MAPRE2: variants seen among roughly 807,000 people sequenced by gnomAD.
MAPRE2 encodes microtubule associated protein RP/EB family member 2.
In MAPRE2, 13 loss-of-function variants were observed where a neutral mutation model predicts 43.2. That is an observed-to-expected ratio of 0.30 (90% CI 0.20 to 0.48). The LOEUF is 0.48. Among genes scored for constraint, MAPRE2 ranks in the 20% least tolerant of loss-of-function variants. The pLI, the probability that MAPRE2 is intolerant of heterozygous loss-of-function variation, is 0.99. For synonymous variants in MAPRE2, 135 were observed against 148.8 expected, an observed-to-expected ratio of 0.91 and a Z score of 0.68; for missense variants, 161 against 400.2, an observed-to-expected ratio of 0.40 and a Z score of 5.10.
At chr18:35,129,261 C>T (rs577519780) in intron 5 of MAPRE2, among the ~76,000 whole-genome samples, 2 of 152,280 alleles carry the variant, frequency 1.3e-5, no homozygotes, top group South Asian at 2.1e-4. Flanking sequence ...TTGACGTTCC[C>T]TCCTTTTTCT....
chr18:35,127,175 G>A, intron 5 of MAPRE2, 88 bp downstream of exon 5: 1 of 1,386,578 alleles, frequency 7.2e-7, no homozygotes, highest in Non-Finnish European at 1.0e-6. Flanking sequence ...TGGGGTAAGG[G>A]AGGGAAGGGT....
chr18:35,083,944 C>T (rs1191714072), intron 2 of MAPRE2, among the ~76,000 whole-genome samples: 1 of 151,634 alleles, frequency 6.6e-6, no homozygotes, highest in African/African-American at 2.4e-5. Flanking sequence ...TTTATTCTTC[C>T]ATGATGTTTC....
Position 35,082,182 on chromosome 18 carries a change from T to C in MAPRE2, c.250+11860T>C, listed in dbSNP as rs1264848085. 2.8e-5 allele frequency: 3 copies of C among 106,056 alleles called. 1 individual carries two copies. Among genetic ancestry groups the C allele is most frequent in the East Asian group, 6.9e-4 (2 of 2,898 alleles). The allele number at this position is 106,056 out of a possible 1,614,324, so 6.6% of individuals were successfully genotyped here. A position where few individuals can be genotyped will look rare whatever the true frequency, so the allele number is the denominator to read the frequency against. On this transcript the variant is annotated intron_variant, in intron 2 of 6. Transcript: ENST00000300249. ...GCGGGCGCCTGTAGTCCCAGCTACT[T>C]GGGAGGCTGAGGCAGGAGAATGGCG...
intron 1 of MAPRE2, among the ~76,000 whole-genome samples, chr18:35,042,806 A>T (rs1233007120): frequency 1.3e-5 from 2 of 152,168 alleles, no homozygotes; most frequent in African/African-American, 4.8e-5. Flanking sequence ...TCATCTAAAC[A>T]TTCAGATGGT....
intron 2 of MAPRE2, among the ~76,000 whole-genome samples, chr18:35,021,668 A>G (rs273348): frequency 3.3e-5 from 5 of 151,886 alleles, no homozygotes; most frequent in African/African-American, 1.2e-4. Flanking sequence ...TCAAAAATCA[A>G]TTGGACTTAG....
At chr18:35,125,509 T>G (rs1238209345) in intron 4 of MAPRE2, among the ~76,000 whole-genome samples, 1 of 152,246 alleles carries the variant, frequency 6.6e-6, no homozygotes, top group Non-Finnish European at 1.5e-5. Context: ...TAAGATGTGT[T>G]TCTTGCTCTA....
At chr18:34,985,369 ATAATATATTATT>A in intron 1 of MAPRE2, among the ~76,000 whole-genome samples, 1 of 40,274 alleles carries the variant, frequency 2.5e-5, no homozygotes, top group Non-Finnish European at 4.0e-5. Context: ...AATATAATAT[ATAATATATTATT>A]TTATATATAT....
At chr18:34,996,273 G>A (rs1055990194) in intron 1 of MAPRE2, among the ~76,000 whole-genome samples, 1 of 152,138 alleles carries the variant, frequency 6.6e-6, no homozygotes, top group African/African-American at 2.4e-5. Flanking sequence ...TAGACTGGGG[G>A]TAGGGTGGAG....
At chr18:35,133,628 G>A (rs1031698015) in intron 6 of MAPRE2, among the ~76,000 whole-genome samples, 10 of 152,312 alleles carry the variant, frequency 6.6e-5, no homozygotes, top group African/African-American at 2.4e-4. Context: ...AGGCCGGCGT[G>A]CAGGATCAAA....
chr18:35,130,377 A>G (rs1160610743), intron 5 of MAPRE2, among the ~76,000 whole-genome samples: 1 of 152,214 alleles, frequency 6.6e-6, no homozygotes, highest in Non-Finnish European at 1.5e-5. Context: ...ATGAGTTAAA[A>G]GCAAACTGGT....
At chr18:35,114,404 T>C (rs1312137226) in intron 4 of MAPRE2, among the ~76,000 whole-genome samples, 2 of 152,120 alleles carry the variant, frequency 1.3e-5, no homozygotes, top group Non-Finnish European at 2.9e-5. Flanking sequence ...ATCCTTACAG[T>C]AGGTTCTAGG....
At chr18:35,102,746 G>GA (rs1476054470) in intron 4 of MAPRE2, among the ~76,000 whole-genome samples, 2 of 152,068 alleles carry the variant, frequency 1.3e-5, no homozygotes, top group Non-Finnish European at 2.9e-5. Context: ...GATAAAAAAA[G>GA]AAAAAACCAC....
intron 1 of MAPRE2, among the ~76,000 whole-genome samples, chr18:34,981,887 A>ATTTT (rs1261290510): frequency 1.4e-4 from 5 of 34,826 alleles, no homozygotes; most frequent in African/African-American, 2.4e-4. Flanking sequence ...ATTTTTATTT[A>ATTTT]TTTTTTTTTT....
intron 1 of MAPRE2, among the ~76,000 whole-genome samples, chr18:35,005,333 G>T (rs2097031337): frequency 6.6e-6 from 1 of 152,086 alleles, no homozygotes; most frequent in South Asian, 2.1e-4. Flanking sequence ...ACTTTCATAT[G>T]GTAAGATTGA....
At chr18:35,097,366 A>G in intron 2 of MAPRE2, 80 bp from the exon 3 acceptor site, 1 of 1,322,330 alleles carries the variant, frequency 7.6e-7, no homozygotes, top group Non-Finnish European at 1.1e-6. Context: ...TGTAAGGACA[A>G]TCCCCTTCCA....
intron 1 of MAPRE2, among the ~76,000 whole-genome samples, chr18:35,042,355 C>G (rs544611710): frequency 2.0e-5 from 3 of 152,044 alleles, no homozygotes; most frequent in Non-Finnish European, 2.9e-5. Flanking sequence ...GCCTTTCCTT[C>G]TTATTTACAG....
intron 2 of MAPRE2, among the ~76,000 whole-genome samples, chr18:35,085,387 G>T (rs558021036): frequency 1.3e-5 from 2 of 152,182 alleles, no homozygotes; most frequent in Non-Finnish European, 2.9e-5. Context: ...TGATTATTGC[G>T]TATGAACAAT....
chr18:35,131,004 T>C (rs1438879735), intron 5 of MAPRE2, among the ~76,000 whole-genome samples: 1 of 152,206 alleles, frequency 6.6e-6, no homozygotes, highest in Non-Finnish European at 1.5e-5. Context: ...GAATGAGGGC[T>C]ACTGTGGTGA....
At chr18:35,020,944 A>T (rs183677236) in intron 2 of MAPRE2, among the ~76,000 whole-genome samples, 1 of 152,310 alleles carries the variant, frequency 6.6e-6, no homozygotes, top group Non-Finnish European at 1.5e-5. Flanking sequence ...AACTCAATAC[A>T]TATTTTTAAC....
Sources: gnomAD v4.1 joint callset for allele counts (sites outside exome capture counted in the v4.1 genomes callset) on GRCh38, gnomAD v4.1.1 for gene constraint, MANE v1.5 for transcripts, NCBI Gene and HGNC (gene_info 2026-07-23, HGNC 2026-07-21) for gene names.